The following BBS12 variants were observed in gnomAD, a reference collection of about 807,000 sequenced individuals.
The protein encoded by BBS12 is chaperonin-containing T-complex member BBS12.
BBS12 carries 5 observed loss-of-function variants against 5.6 expected under a neutral mutation model. The ratio of observed to expected loss-of-function variants is 0.89; its 90% CI spans 0.46 to 1.86. The LOEUF (loss-of-function observed/expected upper bound fraction) is 1.86, where lower values mean the gene tolerates loss of function less well. Ranked by LOEUF, BBS12 falls within the 40% of genes most tolerant of loss-of-function variation. The pLI, the probability that BBS12 is intolerant of heterozygous loss-of-function variation, is 0.01. For missense variants in BBS12, 748 were observed against 830.4 expected (o/e 0.90, Z 1.22); for synonymous variants, 308 against 306.8 (o/e 1.00, Z -0.04).
chr4:122,709,013 C>T, the BBS12 span, among the ~76,000 whole-genome samples: 2 of 151,996 alleles, frequency 1.3e-5, no homozygotes, highest in African/African-American at 4.8e-5. Flanking sequence ...AGCAAAACAA[C>T]ACCAAGAAAC....
At chr4:122,730,828 C>T (rs765476362), upstream of BBS12, 2 of 152,052 alleles carry the variant, frequency 1.3e-5, no homozygotes, top group Non-Finnish European at 2.9e-5. Context: ...ACCTGAAGTT[C>T]ATCATGTTAA....
At position 122,742,584 on chromosome 4, in the gene BBS12, T is replaced by TA. The variant is rs2150736431; in HGVS notation, c.694dup (p.Ile232AsnfsTer4). The TA allele has an allele frequency of 6.2e-7, 1 of 1,614,240 alleles. No individual in the cohort carries two copies. Among genetic ancestry groups the TA allele is most frequent in the Non-Finnish European group, 8.5e-7 (1 of 1,180,052 alleles). ...GATACCTGCTGCAGACAGTCAATAC[T>TA]AATCCACAGTAGGCATTTTAATAGG... On this transcript the variant is annotated frameshift_variant, in exon 2 of 2. Coordinates refer to ENST00000314218, the MANE Select transcript of BBS12 (RefSeq NM_152618.3). LOFTEE classifies it low-confidence loss of function (END_TRUNC).
chr4:122,743,089 C>G lies in BBS12; in HGVS notation c.1197C>G (p.His399Gln). Reference sequence around the variant, plus strand: ...GCTCAGAAGAACTGTGGGCAAATCACGTGTTACAGGTGTTAATCCAGTTCA... The same window carrying G: ...GCTCAGAAGAACTGTGGGCAAATCAGGTGTTACAGGTGTTAATCCAGTTCA... ...EDSSEELWANHVLQVLIQFKV... is the reference protein window; with the variant it reads ...EDSSEELWANQVLQVLIQFKV... The change falls in exon 2 of 2, where the codon CAC becomes CAG. Residue 399 changes from histidine (H) to glutamine (Q), a missense_variant. Coordinates refer to ENST00000314218, the MANE Select transcript of BBS12 (RefSeq NM_152618.3). 1 of 1,614,226 alleles carries G rather than the reference C, an allele frequency of 6.2e-7. No homozygotes were observed. Among genetic ancestry groups the G allele is most frequent in the Non-Finnish European group, 8.5e-7 (1 of 1,180,042 alleles).
rs144843913 is a variant in BBS12, at chr4:122,743,916, G to T, written c.2024G>T (p.Arg675Leu). 6.2e-7 allele frequency: 1 copy of T among 1,607,472 alleles called. No homozygotes were observed. Among genetic ancestry groups the T allele is most frequent in the Admixed American group, 1.7e-5 (1 of 59,026 alleles). Residue 675 changes from arginine (R) to leucine (L), a missense_variant, in exon 2 of 2, where the codon CGA becomes CTA. By Grantham distance (102) the Arg-to-Leu change is moderately radical. Coordinates refer to ENST00000314218, the MANE Select transcript of BBS12 (RefSeq NM_152618.3). The part of the protein sequence containing the change: ...VVTPKIEAWR[R>L]ALDLVLLVLQ... ...ACACCAAAGATTGAGGCGTGGCGCC[G>T]AGCATTGGATTTAGTATTGTTAGTA... is the stretch of plus-strand genomic sequence containing the variant.
the BBS12 span, among the ~76,000 whole-genome samples, chr4:122,715,512 AG>A: frequency 6.6e-6 from 1 of 152,122 alleles, no homozygotes; most frequent in African/African-American, 2.4e-5. Flanking sequence ...GGTCTTTGGC[AG>A]GAAGAGTGCG....
the BBS12 span, among the ~76,000 whole-genome samples, chr4:122,716,660 C>CATATGTATAT: frequency 1.7e-5 from 1 of 59,624 alleles, no homozygotes; most frequent in Non-Finnish European, 3.1e-5. Context: ...TGTATATGCA[C>CATATGTATAT]ATACACATAT....
chr4:122,710,992 G>C, the BBS12 span, among the ~76,000 whole-genome samples: 2 of 152,170 alleles, frequency 1.3e-5, no homozygotes, highest in Non-Finnish European at 2.9e-5. Flanking sequence ...TACCTGATAA[G>C]TAAGAGTTTC....
the BBS12 span, among the ~76,000 whole-genome samples, chr4:122,703,289 G>A: frequency 6.6e-6 from 1 of 151,188 alleles, no homozygotes; most frequent in East Asian, 2.0e-4. Flanking sequence ...TGTCTTCATG[G>A]ACTTGGATTG....
In BBS12 at chr4:122,742,652, G is replaced by T. The variant is rs1553941304; in HGVS notation, c.760G>T (p.Glu254Ter). 1 of 1,614,226 alleles carries T rather than the reference G, an allele frequency of 6.2e-7. No homozygotes were observed. Among genetic ancestry groups the T allele is most frequent in the Non-Finnish European group, 8.5e-7 (1 of 1,180,044 alleles). The change falls in exon 2 of 2, where the codon GAA (glutamate) becomes TAA (stop). Residue 254 changes from glutamate (E) to a stop codon, truncating the protein, a stop_gained. Coordinates refer to ENST00000314218, the MANE Select transcript of BBS12 (RefSeq NM_152618.3). LOFTEE classifies it low-confidence loss of function (END_TRUNC). ...EGVSKPDGFQ[E>*]HVTATHKTYR... Reference sequence around the variant, plus strand: ...GGTAAGCAAACCAGATGGATTTCAAGAACATGTTACAGCTACTCACAAAAC... The same window carrying T: ...GGTAAGCAAACCAGATGGATTTCAATAACATGTTACAGCTACTCACAAAAC...
chr4:122,726,014 C>A, the BBS12 span, among the ~76,000 whole-genome samples: 1 of 151,176 alleles, frequency 6.6e-6, no homozygotes, highest in Admixed American at 6.6e-5. Context: ...ATGGCTTAGG[C>A]AAAGACTTCA....
At position 122,742,023 on chromosome 4, in the gene BBS12, G is replaced by A; in HGVS notation, c.131G>A (p.Cys44Tyr). The A allele has an allele frequency of 5.6e-6, 9 of 1,613,876 alleles. No homozygotes were observed. The highest frequency in any genetic ancestry group is 5.9e-6 in the Non-Finnish European group (7 of 1,179,798). ...TCCAAATTTATTATAGATGAAGAAT[G>A]TCATGAAAGTGTATTAATCAGTTCA... ...KSSKFIIDEE[C>Y]HESVLISSTV... The change falls in exon 2 of 2, where the codon TGT (cysteine) becomes TAT (tyrosine). Residue 44 changes from cysteine to tyrosine, a missense_variant. Physicochemically the swap from Cys to Tyr is radical, Grantham distance 194 (BLOSUM62 -2). Transcript: ENST00000314218.
At chr4:122,707,023 A>AACTGTATT in the BBS12 span, among the ~76,000 whole-genome samples, 4 of 144,982 alleles carry the variant, frequency 2.8e-5, no homozygotes, top group Non-Finnish European at 6.0e-5. Flanking sequence ...AAAACTTTAT[A>AACTGTATT]ACTGTATTCA....
At chr4:122,713,028 G>A in the BBS12 span, among the ~76,000 whole-genome samples, 176 of 152,256 alleles carry the variant, frequency 1.2e-3, no homozygotes, top group African/African-American at 4.0e-3. Flanking sequence ...GTCCATCATA[G>A]TATTTCAGAT....
chr4:122,716,151 A>AT, the BBS12 span, among the ~76,000 whole-genome samples: 5 of 152,026 alleles, frequency 3.3e-5, no homozygotes, highest in African/African-American at 7.2e-5. Flanking sequence ...CAGATTCTGT[A>AT]TTTTTTCATA....
chr4:122,710,345 C>T, the BBS12 span, among the ~76,000 whole-genome samples: 7 of 152,186 alleles, frequency 4.6e-5, no homozygotes, highest in African/African-American at 1.2e-4. Context: ...AGATCTAAGG[C>T]AGGAGAAACT....
intron 1 of BBS12, among the ~76,000 whole-genome samples, chr4:122,741,432 G>A (rs62322206): frequency 2.0e-5 from 3 of 152,114 alleles, no homozygotes; most frequent in Non-Finnish European, 2.9e-5. Context: ...TGATCCGCCC[G>A]CCTCGGCCTC....
the BBS12 span, among the ~76,000 whole-genome samples, chr4:122,725,296 G>A: frequency 5.9e-5 from 9 of 151,996 alleles, no homozygotes; most frequent in African/African-American, 1.7e-4. Flanking sequence ...AAAAGAGCCC[G>A]CATAGCCAAA....
At chr4:122,703,903 G>A in the BBS12 span, among the ~76,000 whole-genome samples, 1 of 152,172 alleles carries the variant, frequency 6.6e-6, no homozygotes, top group Non-Finnish European at 1.5e-5. Flanking sequence ...AGGTTGGAGA[G>A]TGGGGTGCAA....
At chr4:122,714,661 T>C in the BBS12 span, among the ~76,000 whole-genome samples, 1 of 151,692 alleles carries the variant, frequency 6.6e-6, no homozygotes, top group Non-Finnish European at 1.5e-5. Context: ...CACACACACA[T>C]ATGTATAAAC....
Sources: allele counts gnomAD v4.1 joint callset (sites outside exome capture counted in the v4.1 genomes callset), GRCh38; gene constraint gnomAD v4.1.1; transcripts MANE v1.5; gene names NCBI Gene and HGNC (gene_info 2026-07-23, HGNC 2026-07-21).